The following DSCAM variants were observed in gnomAD, a reference collection of about 807,000 sequenced individuals.
DSCAM encodes cell adhesion molecule DSCAM.
DSCAM carries 47 observed loss-of-function variants against 217.7 expected under a neutral mutation model. The ratio of observed to expected loss-of-function variants is 0.22; its 90% CI spans 0.17 to 0.28. The LOEUF (loss-of-function observed/expected upper bound fraction) is 0.28. Among genes scored for constraint, DSCAM ranks in the 10% least tolerant of loss-of-function variants. The pLI, the probability that DSCAM is intolerant of heterozygous loss-of-function variation, is 1.00. For missense variants in DSCAM, 2,080 were observed against 2,618.3 expected, an observed-to-expected ratio of 0.79 and a Z score of 4.49; for synonymous variants, 1,056 against 1,015.3, an observed-to-expected ratio of 1.04 and a Z score of -0.76.
At chr21:40,522,622 A>AT (rs1362190222) in intron 3 of DSCAM, among the ~76,000 whole-genome samples, 3 of 152,088 alleles carry the variant, frequency 2.0e-5, no homozygotes, top group Non-Finnish European at 4.4e-5. Flanking sequence ...CAGGATACAT[A>AT]TTTTTTTCCT....
intron 2 of DSCAM, among the ~76,000 whole-genome samples, chr21:40,693,564 T>C (rs529834512): frequency 6.6e-6 from 1 of 152,030 alleles, no homozygotes; most frequent in African/African-American, 2.4e-5. Context: ...AAACTGCTAT[T>C]AGTCCTCTAA....
At chr21:40,226,268 A>G (rs947355118) in intron 11 of DSCAM, among the ~76,000 whole-genome samples, 1 of 152,208 alleles carries the variant, frequency 6.6e-6, no homozygotes, top group South Asian at 2.1e-4. Flanking sequence ...GTTTGGTGAC[A>G]ATGTGCGGAC....
chr21:40,253,692 AGCAAT>A (rs755314340), intron 11 of DSCAM, among the ~76,000 whole-genome samples: 3 of 152,240 alleles, frequency 2.0e-5, no homozygotes, highest in Non-Finnish European at 2.9e-5. Context: ...AAAAACTCTG[AGCAAT>A]GCAACTCAGA....
At chr21:40,189,747 A>T (rs1035855639) in intron 11 of DSCAM, among the ~76,000 whole-genome samples, 1 of 152,188 alleles carries the variant, frequency 6.6e-6, no homozygotes, top group Non-Finnish European at 1.5e-5. Context: ...GCCTGCTGCC[A>T]ACCATGTAGG....
At chr21:40,270,532 A>C (rs1364853250) in intron 11 of DSCAM, among the ~76,000 whole-genome samples, 1 of 152,206 alleles carries the variant, frequency 6.6e-6, no homozygotes, top group Non-Finnish European at 1.5e-5. Context: ...TTCAGGCACT[A>C]ATTTGTCATG....
chr21:40,622,794 G>A (rs936175131), intron 3 of DSCAM, among the ~76,000 whole-genome samples: 1 of 151,538 alleles, frequency 6.6e-6, no homozygotes, highest in Non-Finnish European at 1.5e-5. Context: ...TTTCCACTGA[G>A]CTGGCTCCGA....
At chr21:40,645,914 A>G (rs2089940248) in intron 3 of DSCAM, among the ~76,000 whole-genome samples, 1 of 152,234 alleles carries the variant, frequency 6.6e-6, no homozygotes, top group South Asian at 2.1e-4. Context: ...TCTATAAAAT[A>G]CAATGGGTGC....
chr21:40,620,766 A>G lies in DSCAM; in HGVS notation c.508+72044T>C, dbSNP rs1176762184. 3.9e-5 allele frequency among the ~76,000 whole-genome samples: 6 copies of G among 152,352 alleles called. No homozygotes were observed. In the East Asian group the frequency reaches 1.2e-3, roughly 29 times the overall value. ...ATTTATCATCCAATTCAGAAACACT[A>G]CACTGTGTTCATATAAAAAATCTGT... is the stretch of plus-strand genomic sequence containing the variant. On this transcript the variant is annotated intron_variant, in intron 3 of 32. Transcript: ENST00000400454.
intron 3 of DSCAM, among the ~76,000 whole-genome samples, chr21:40,525,744 T>C (rs1320933932): frequency 6.6e-6 from 1 of 152,200 alleles, no homozygotes; most frequent in Non-Finnish European, 1.5e-5. Flanking sequence ...CAGACTCAGC[T>C]CCCAGCTATA....
At chr21:40,744,648 C>A (rs776545452) in intron 1 of DSCAM, among the ~76,000 whole-genome samples, 39 of 152,034 alleles carry the variant, frequency 2.6e-4, no homozygotes, top group Non-Finnish European at 5.3e-4. Context: ...TAGTAGAGGT[C>A]CAACACTAAT....
In DSCAM at chr21:40,601,912, C is replaced by T. The variant is rs78430814; in HGVS notation, c.508+90898G>A. Among the ~76,000 whole-genome samples the T allele has an allele frequency of 8.1e-3, 1,229 of 152,128 alleles. 13 individuals carry two copies. Among genetic ancestry groups the T allele is most frequent in the African/African-American group, 0.027 (1,130 of 41,514 alleles). ...TTTATACATTGTTGGATTTAATCTG[C>T]TAGTATTTTATTGAGTAATTTTGTA... On this transcript the variant is annotated intron_variant, in intron 3 of 32. Transcript: ENST00000400454.
intron 3 of DSCAM, among the ~76,000 whole-genome samples, chr21:40,568,888 C>A (rs937073994): frequency 6.6e-5 from 10 of 152,152 alleles, no homozygotes; most frequent in African/African-American, 2.4e-4. Context: ...AGGGCTGTAG[C>A]AGGAGGCCTC....
intron 10 of DSCAM, among the ~76,000 whole-genome samples, chr21:40,291,113 C>T (rs999277634): frequency 6.6e-6 from 1 of 152,220 alleles, no homozygotes; most frequent in Non-Finnish European, 1.5e-5. Context: ...ACTATCCTCA[C>T]TGCCTGGGGT....
chr21:40,677,981 T>C (rs914196313), intron 3 of DSCAM, among the ~76,000 whole-genome samples: 4 of 115,792 alleles, frequency 3.5e-5, no homozygotes, highest in Non-Finnish European at 5.5e-5. Context: ...AATATTTATA[T>C]ATAATACTTT....
chr21:40,441,921 T>C (rs1470649467), intron 3 of DSCAM, among the ~76,000 whole-genome samples: 1 of 152,208 alleles, frequency 6.6e-6, no homozygotes, highest in Non-Finnish European at 1.5e-5. Flanking sequence ...CTCTTTTTCA[T>C]TGCACACTGT....
chr21:40,082,490 G>A (rs1361571944), intron 24 of DSCAM, among the ~76,000 whole-genome samples: 3 of 152,102 alleles, frequency 2.0e-5, no homozygotes, highest in Admixed American at 2.0e-4. Context: ...AAAGTCATTA[G>A]ACAGTGATAA....
At chr21:40,615,465 T>TTCA (rs10659262) in intron 3 of DSCAM, 150,560 of 152,056 alleles carry the variant, frequency 0.99, 74,544 homozygotes, top group Middle Eastern at 1. Context: ...GAGTGATCTC[T>TTCA]TCATTATCTT....
At chr21:40,253,378 G>C (rs1330579303) in intron 11 of DSCAM, among the ~76,000 whole-genome samples, 1 of 152,142 alleles carries the variant, frequency 6.6e-6, no homozygotes, top group African/African-American at 2.4e-5. Context: ...TTTGTTCCTG[G>C]TTCCGGGACA....
intron 9 of DSCAM, among the ~76,000 whole-genome samples, chr21:40,309,293 AT>A (rs1168395840): frequency 2.0e-5 from 3 of 152,172 alleles, no homozygotes; most frequent in Admixed American, 6.5e-5. Context: ...AACAATATCC[AT>A]CAAGGTCATA....
Sources: gnomAD v4.1 joint callset for allele counts (sites outside exome capture counted in the v4.1 genomes callset) on GRCh38, gnomAD v4.1.1 for gene constraint, MANE v1.5 for transcripts, NCBI Gene and HGNC (gene_info 2026-07-23, HGNC 2026-07-21) for gene names.